The following SANBR variants were observed in gnomAD, a reference collection of about 807,000 sequenced individuals.
The protein encoded by SANBR is SANT and BTB domain regulator of CSR, also known as SANT and BTB domain regulator of class switch recombination.
In SANBR, 77 loss-of-function variants were observed where a neutral mutation model predicts 101.8. That is an observed-to-expected ratio of 0.76 (90% confidence interval 0.63 to 0.91). The LOEUF is 0.91. Ranked by LOEUF, SANBR falls within the 40% of genes least tolerant of loss-of-function variation. The pLI is 0.00. For synonymous variants in SANBR, 279 were observed against 274.7 expected (o/e 1.02, Z -0.15); for missense variants, 875 against 853.0 (o/e 1.03, Z -0.32).
downstream of SANBR, among the ~76,000 whole-genome samples, chr2:61,124,446 T>C (rs1156424187): frequency 3.9e-5 from 6 of 152,152 alleles, no homozygotes; most frequent in Non-Finnish European, 5.9e-5. Context: ...ACGTCTGCAA[T>C]CCCAGCACTT....
Position 61,118,062 on chromosome 2 carries a change from A to G in SANBR, c.1974A>G (p.Leu658=). 1 of 1,613,838 alleles carries G rather than the reference A, an allele frequency of 6.2e-7. No homozygotes were observed. The highest frequency in any genetic ancestry group is 1.3e-5 in the African/African-American group (1 of 75,040). ...GAATGACTGAAATTACAGGGCACCT[A>G]ATAAAAATGAGATTGGGGGATCTGG... The part of the protein sequence containing the change: ...QRRMTEITGH[L]IKMRLGDLDR... Residue 658 remains leucine (L), a synonymous_variant, in exon 20 of 22, where the codon CTA becomes CTG. Coordinates refer to ENST00000402291, the MANE Select transcript of SANBR (RefSeq NM_001129993.3).
At chr2:61,135,396 G>A (rs1311092216) in intron 21 of SANBR, among the ~76,000 whole-genome samples, 2 of 152,168 alleles carry the variant, frequency 1.3e-5, no homozygotes, top group African/African-American at 2.4e-5. Flanking sequence ...AGTAAGTGAT[G>A]GAACTGAGTA....
intron 10 of SANBR, chr2:61,088,868 A>G (rs1356220182): frequency 1.0e-6 from 1 of 962,504 alleles, no homozygotes; most frequent in South Asian, 4.8e-5. Flanking sequence ...AAATATAACT[A>G]CTTTTATAAG....
intron 16 of SANBR, 63 bp from the exon 17 acceptor site, chr2:61,115,916 G>C (rs1284202145): frequency 1.0e-6 from 1 of 965,042 alleles, no homozygotes; most frequent in African/African-American, 1.7e-5. Context: ...TTGTTTAGAA[G>C]TAACAAGTGG....
chr2:61,134,183 G>A, exon 21 of SANBR: 1 of 1,613,084 alleles, frequency 6.2e-7, no homozygotes, highest in Non-Finnish European at 8.5e-7. Flanking sequence ...AAGAGCAACA[G>A]AAAAAGTGGT....
At chr2:61,097,374 T>C (rs931557158) in intron 11 of SANBR, among the ~76,000 whole-genome samples, 2 of 152,164 alleles carry the variant, frequency 1.3e-5, no homozygotes, top group African/African-American at 4.8e-5. Context: ...TTTATTTTTA[T>C]TAAGTTAGGT....
chr2:61,131,532 T>C (rs993162241), intron 20 of SANBR, among the ~76,000 whole-genome samples: 3 of 152,160 alleles, frequency 2.0e-5, no homozygotes, highest in Non-Finnish European at 2.9e-5. Context: ...TGAAAGAAAT[T>C]AACATCTAAA....
intron 12 of SANBR, among the ~76,000 whole-genome samples, 182 bp downstream of exon 12, chr2:61,098,034 C>G (rs188872608): frequency 5.3e-5 from 8 of 149,676 alleles, no homozygotes; most frequent in African/African-American, 2.0e-4. Flanking sequence ...TTTAGACCTT[C>G]TTTTGTACCT....
rs1363427197 is a variant in SANBR at position 61,109,677 on chromosome 2, G to GTTTTTTTTTT, written c.1744+384_1744+385insTTTTTTTTTT. ...TTAGTGGAAAGCATGTTTTTTTTGT[G>GTTTTTTTTTT]TTTGTTTTTTTTTTTTTTTTTTTGA... On this transcript the variant is annotated intron_variant, in intron 16 of 21. Transcript: ENST00000402291. Among the ~76,000 whole-genome samples, 38 of 109,462 alleles carry GTTTTTTTTTT rather than the reference G, an allele frequency of 3.5e-4. 5 individuals carry two copies. The highest frequency in any genetic ancestry group is 5.1e-4 in the African/African-American group (15 of 29,134). 71.8% of individuals were successfully genotyped at this position (109,462 alleles called of 152,430 possible). A position where few individuals can be genotyped will look rare whatever the true frequency, so the allele number is the denominator to read the frequency against.
At chr2:61,103,098 A>G (rs1683370269) in intron 12 of SANBR, among the ~76,000 whole-genome samples, 1 of 151,932 alleles carries the variant, frequency 6.6e-6, no homozygotes, top group Admixed American at 6.6e-5. Flanking sequence ...TTATTACATG[A>G]AATAACATCA....
chr2:61,097,800 A>T lies in SANBR; in HGVS notation c.1313A>T (p.Tyr438Phe). 6.2e-7 allele frequency: 1 copy of T among 1,613,580 alleles called. No individual in the cohort carries two copies. The highest frequency in any genetic ancestry group is 8.5e-7 in the Non-Finnish European group (1 of 1,179,678). The change falls in exon 12 of 22, where the codon TAT becomes TTT. Residue 438 changes from tyrosine (Y) to phenylalanine (F), a missense_variant. Coordinates refer to ENST00000402291, the MANE Select transcript of SANBR (RefSeq NM_001129993.3). ...SSLNTVGTGI[Y>F]PCCNQKVLRF... is the part of the protein sequence containing the mutation. ...TTGAATACTGTTGGCACTGGAATTT[A>T]TCCCTGCTGTAACCAAAAGGTTCTT...
chr2:61,087,679 A>G (rs890789778), intron 8 of SANBR, among the ~76,000 whole-genome samples: 4 of 151,972 alleles, frequency 2.6e-5, no homozygotes, highest in East Asian at 1.9e-4. Context: ...GTGAAACCCA[A>G]TCTCTACTAA....
In SANBR at chr2:61,076,976, C is replaced by T; in HGVS notation, c.488C>T (p.Thr163Ile). Reference sequence around the variant, plus strand: ...GCAAAAAACTTGAAAGAAGATTTTACTTGCCCGCGAGATCTTTTGATATCA... The same window carrying T: ...GCAAAAAACTTGAAAGAAGATTTTATTTGCCCGCGAGATCTTTTGATATCA... ...DEAKNLKEDFTCPRDLLISEM... is the reference protein window; with the variant it reads ...DEAKNLKEDFICPRDLLISEM... Residue 163 changes from threonine (T) to isoleucine (I), a missense_variant, in exon 6 of 22, where the codon ACT becomes ATT. By Grantham distance (89) the Thr-to-Ile change is moderately conservative. Coordinates refer to ENST00000402291, the MANE Select transcript of SANBR (RefSeq NM_001129993.3). The T allele has an allele frequency of 6.2e-7, 1 of 1,614,110 alleles. No individual in the cohort carries two copies.
At chr2:61,088,093 T>C (rs1267780327) in intron 8 of SANBR, 66 bp from the exon 9 acceptor site, 1 of 808,322 alleles carries the variant, frequency 1.2e-6, no homozygotes, top group Non-Finnish European at 2.0e-6. Context: ...CACAGATTGG[T>C]TTGTTTATTT....
Position 61,122,294 on chromosome 2 carries a change from A to C in SANBR, c.*132A>C. 7.6e-7 allele frequency: 1 copy of C among 1,311,704 alleles called. No homozygotes were observed. Among genetic ancestry groups the C allele is most frequent in the East Asian group, 2.6e-5 (1 of 37,974 alleles). The allele number at this position is 1,311,704 out of a possible 1,614,324, so 81.3% of individuals were successfully genotyped here. ...ATTATTATTTTAATCCACATAAATC[A>C]TAATTCTAAAAGAAATGCATAGTTA... On this transcript the variant is annotated 3_prime_UTR_variant, in exon 22 of 22. Coordinates refer to ENST00000402291, the MANE Select transcript of SANBR (RefSeq NM_001129993.3).
rs757813347 is a variant in SANBR at position 61,088,406 on chromosome 2, T to G, written c.1026T>G (p.Ile342Met). The G allele has an allele frequency of 6.2e-7, 1 of 1,608,028 alleles. No individual in the cohort carries two copies. The highest frequency in any genetic ancestry group is 1.1e-5 in the South Asian group (1 of 89,378). ...TAACAAAAGAAACAGAAAGAAGAAT[T>G]CCTTGCATTCCTGGAAAAATCAATG... ...KLLTKETERR[I>M]PCIPGKINVD... Residue 342 changes from isoleucine (I) to methionine (M), a missense_variant, in exon 10 of 22, where the codon ATT (isoleucine) becomes ATG (methionine). By Grantham distance (10) the Ile-to-Met change is conservative (BLOSUM62 1). Coordinates refer to ENST00000402291, the MANE Select transcript of SANBR (RefSeq NM_001129993.3).
Position 61,070,331 on chromosome 2 carries a change from C to A in SANBR, c.-9-11C>A. The A allele has an allele frequency of 6.4e-7, 1 of 1,550,678 alleles. No homozygotes were observed. Among genetic ancestry groups the A allele is most frequent in the South Asian group, 1.3e-5 (1 of 79,938 alleles). ...GGTTTAAATAAAGCTTTTTGTCTTC[C>A]CTATCCCTAGTTCCAAAAGATGAGT... is the stretch of plus-strand genomic sequence containing the variant. On this transcript the variant is annotated splice_polypyrimidine_tract_variant and intron_variant, in intron 2 of 21. Transcript: ENST00000402291.
At position 61,109,240 on chromosome 2, in the gene SANBR, G is replaced by C; in HGVS notation, c.1688G>C (p.Gly563Ala). 3 of 1,572,400 alleles carry C rather than the reference G, an allele frequency of 1.9e-6. No individual in the cohort carries two copies. The highest frequency in any genetic ancestry group is 2.6e-6 in the Non-Finnish European group (3 of 1,157,224). ...LFSEEEEYTT[G>A]SEVTEDEVGD... ...TCAGAAGAAGAAGAATATACCACTG[G>C]ATCTGAGGTCACTGAAGATGAAGTT... The change falls in exon 16 of 22, where the codon GGA (glycine) becomes GCA (alanine). Residue 563 changes from glycine (G) to alanine (A), a missense_variant. By Grantham distance (60) the Gly-to-Ala change is moderately conservative (BLOSUM62 0). Coordinates refer to ENST00000402291, the MANE Select transcript of SANBR (RefSeq NM_001129993.3).
chr2:61,111,718 C>A (rs897323153), intron 16 of SANBR, among the ~76,000 whole-genome samples: 1 of 152,236 alleles, frequency 6.6e-6, no homozygotes, highest in African/African-American at 2.4e-5. Flanking sequence ...AGTTCCCTTT[C>A]TCCAGTTCTG....
Sources: allele counts gnomAD v4.1 joint callset (sites outside exome capture counted in the v4.1 genomes callset), GRCh38; gene constraint gnomAD v4.1.1; transcripts MANE v1.5; gene names NCBI Gene and HGNC (gene_info 2026-07-23, HGNC 2026-07-21).